PELI2: variants seen among roughly 807,000 people sequenced by gnomAD.
PELI2 encodes the protein pellino E3 ubiquitin protein ligase family member 2.
PELI2 carries 23 observed loss-of-function variants against 42.3 expected under a neutral mutation model. That is an observed-to-expected ratio of 0.54 (90% CI 0.39 to 0.77). The LOEUF (loss-of-function observed/expected upper bound fraction) is 0.77. Among genes scored for constraint, PELI2 ranks in the 30% least tolerant of loss-of-function variants. The probability of loss-of-function intolerance (pLI) is 0.00; values close to 1 mark genes in which losing one functional copy is unlikely to be tolerated. For missense variants in PELI2, 463 were observed against 553.2 expected, an observed-to-expected ratio of 0.84 and a Z score of 1.64; for synonymous variants, 245 against 212.2, an observed-to-expected ratio of 1.15 and a Z score of -1.34.
intron 1 of PELI2, among the ~76,000 whole-genome samples, chr14:56,136,685 C>G (rs565757595): frequency 6.6e-6 from 1 of 152,084 alleles, no homozygotes; most frequent in Non-Finnish European, 1.5e-5. Flanking sequence ...ATGCATAAAG[C>G]GCAGAATTTA....
At chr14:56,122,234 A>T (rs1253874041) in intron 1 of PELI2, among the ~76,000 whole-genome samples, 2 of 152,238 alleles carry the variant, frequency 1.3e-5, no homozygotes, top group Admixed American at 6.5e-5. Context: ...CACATTCTGC[A>T]CATGTATTCC....
At chr14:56,231,557 C>T (rs1174374498) in intron 2 of PELI2, among the ~76,000 whole-genome samples, 1 of 152,142 alleles carries the variant, frequency 6.6e-6, no homozygotes, top group Non-Finnish European at 1.5e-5. Flanking sequence ...TCTTTGAAAC[C>T]AATGAGAACA....
intron 1 of PELI2, among the ~76,000 whole-genome samples, chr14:56,175,216 G>A (rs1419472028): frequency 5.9e-5 from 9 of 151,998 alleles, no homozygotes; most frequent in African/African-American, 1.7e-4. Flanking sequence ...GGCTGGTCTC[G>A]AACTCCTGGG....
chr14:56,270,595 C>T lies in PELI2; in HGVS notation c.208-9081C>T, dbSNP rs374911296. Reference sequence around the variant, plus strand: ...TAATACAGTCAATATCTAGCATATACTTAAAGCCAAACAGAATAGTGGGGT... The same window carrying T: ...TAATACAGTCAATATCTAGCATATATTTAAAGCCAAACAGAATAGTGGGGT... On this transcript the variant is annotated intron_variant, in intron 2 of 5. Transcript: ENST00000267460. Among the ~76,000 whole-genome samples the T allele has an allele frequency of 4.6e-5, 7 of 152,296 alleles. No homozygotes were observed. The South Asian group carries it at 1.0e-3, about 23-fold the overall frequency.
intron 2 of PELI2, among the ~76,000 whole-genome samples, chr14:56,189,569 A>G (rs1222781366): frequency 6.6e-6 from 1 of 152,252 alleles, no homozygotes; most frequent in Non-Finnish European, 1.5e-5. Flanking sequence ...GGAACGCATC[A>G]TATGCCTACT....
intron 2 of PELI2, among the ~76,000 whole-genome samples, chr14:56,234,448 G>T (rs569235779): frequency 1.3e-5 from 2 of 152,170 alleles, no homozygotes; most frequent in Non-Finnish European, 2.9e-5. Flanking sequence ...CATGTCCTTT[G>T]TAGGGACATG....
At chr14:56,294,037 C>T (rs1210580435) in intron 5 of PELI2, among the ~76,000 whole-genome samples, 5 of 152,158 alleles carry the variant, frequency 3.3e-5, no homozygotes, top group African/African-American at 9.7e-5. Context: ...CCATGGGATG[C>T]TCGGTATGGT....
intron 4 of PELI2, among the ~76,000 whole-genome samples, 172 bp from the exon 5 acceptor site, chr14:56,290,096 T>C (rs1175167135): frequency 6.6e-6 from 1 of 152,200 alleles, no homozygotes; most frequent in Admixed American, 6.5e-5. Context: ...TCTTTTATAT[T>C]GTCGAAAGGA....
intron 1 of PELI2, among the ~76,000 whole-genome samples, chr14:56,131,914 T>C (rs1311510875): frequency 6.6e-6 from 1 of 152,186 alleles, no homozygotes; most frequent in Non-Finnish European, 1.5e-5. Flanking sequence ...AACTGCTCTT[T>C]AATCGTGCCG....
At chr14:56,177,097 A>G (rs867379022) in intron 1 of PELI2, among the ~76,000 whole-genome samples, 4 of 152,366 alleles carry the variant, frequency 2.6e-5, no homozygotes, top group Non-Finnish European at 5.9e-5. Flanking sequence ...ACATTTTTAT[A>G]TAGCTGACAT....
chr14:56,205,254 A>T (rs1330455116), intron 2 of PELI2, among the ~76,000 whole-genome samples: 1 of 152,156 alleles, frequency 6.6e-6, no homozygotes, highest in Non-Finnish European at 1.5e-5. Context: ...CAGTGAAGAC[A>T]TGGAGACGGC....
intron 2 of PELI2, among the ~76,000 whole-genome samples, chr14:56,226,740 G>A (rs889816051): frequency 6.6e-6 from 1 of 152,168 alleles, no homozygotes; most frequent in Non-Finnish European, 1.5e-5. Flanking sequence ...TATGCCCTGG[G>A]ATGTCTCCAT....
chr14:56,264,445 C>A (rs954943618), intron 2 of PELI2, among the ~76,000 whole-genome samples: 5 of 152,150 alleles, frequency 3.3e-5, no homozygotes, highest in Admixed American at 2.0e-4. Flanking sequence ...AGGAGATTTC[C>A]CAATACATAG....
At chr14:56,225,863 CCCCATTCTGGTGTTTGGGGA>C (rs1277098049) in intron 2 of PELI2, among the ~76,000 whole-genome samples, 4 of 152,130 alleles carry the variant, frequency 2.6e-5, no homozygotes, top group African/African-American at 9.7e-5. Context: ...CTCCACTAGT[CCCCATTCTGGTGTTTGGGGA>C]TATGTATGTC....
chr14:56,142,279 CTCCT>C (rs1883939779), intron 1 of PELI2, among the ~76,000 whole-genome samples: 1 of 152,204 alleles, frequency 6.6e-6, no homozygotes, highest in African/African-American at 2.4e-5. Flanking sequence ...TGGAGGCTTG[CTCCT>C]ACCCACTGCA....
At chr14:56,268,335 C>G (rs1308043398) in intron 2 of PELI2, among the ~76,000 whole-genome samples, 1 of 152,118 alleles carries the variant, frequency 6.6e-6, no homozygotes, top group Non-Finnish European at 1.5e-5. Context: ...TATGTCAATA[C>G]TTAAATATTT....
chr14:56,148,769 G>A (rs944111768), intron 1 of PELI2, among the ~76,000 whole-genome samples: 1 of 152,184 alleles, frequency 6.6e-6, no homozygotes, highest in Non-Finnish European at 1.5e-5. Context: ...CTGCTGAACT[G>A]TGTTCTCCTG....
intron 2 of PELI2, among the ~76,000 whole-genome samples, chr14:56,241,369 C>T (rs1454700074): frequency 6.6e-6 from 1 of 151,994 alleles, no homozygotes; most frequent in African/African-American, 2.4e-5. Flanking sequence ...AGTCTGACAC[C>T]CAACTAATGT....
intron 2 of PELI2, among the ~76,000 whole-genome samples, chr14:56,193,583 A>G (rs1403749023): frequency 6.6e-6 from 1 of 152,244 alleles, no homozygotes; most frequent in Non-Finnish European, 1.5e-5. Context: ...TAGACTTGAA[A>G]TAATTTAAAT....
Sources: allele counts gnomAD v4.1 joint callset (sites outside exome capture counted in the v4.1 genomes callset), GRCh38; gene constraint gnomAD v4.1.1; transcripts MANE v1.5; gene names NCBI Gene and HGNC (gene_info 2026-07-23, HGNC 2026-07-21).